The following PTPRD variants were observed in gnomAD, a reference collection of about 807,000 sequenced individuals.
PTPRD encodes the protein receptor-type tyrosine-protein phosphatase delta.
Under a neutral mutation model 214.5 loss-of-function variants are expected in PTPRD, and 34 were observed. The ratio of observed to expected loss-of-function variants is 0.16; its 90% CI spans 0.12 to 0.21. The LOEUF is 0.21. Ranked by LOEUF, PTPRD falls within the 10% of genes least tolerant of loss-of-function variation. The pLI is 1.00. For missense variants in PTPRD, 2,545 were observed against 2,398.7 expected (o/e 1.06, Z -1.27); for synonymous variants, 1,128 against 845.7 (o/e 1.33, Z -5.79).
At chr9:8,953,090 T>G (rs912886623) in intron 11 of PTPRD, among the ~76,000 whole-genome samples, 1 of 151,690 alleles carries the variant, frequency 6.6e-6, no homozygotes, top group Non-Finnish European at 1.5e-5. Context: ...TTAGATAAAA[T>G]ATATGCTTTT....
chr9:10,331,134 A>T (rs183239993), intron 3 of PTPRD, among the ~76,000 whole-genome samples: 6 of 151,934 alleles, frequency 3.9e-5, no homozygotes, highest in African/African-American at 1.4e-4. Context: ...ATTCCATAAG[A>T]TCTAAGCCCT....
At chr9:9,732,134 A>G (rs1798302696) in intron 7 of PTPRD, among the ~76,000 whole-genome samples, 1 of 152,120 alleles carries the variant, frequency 6.6e-6, no homozygotes, top group South Asian at 2.1e-4. Flanking sequence ...ATACGAGCAG[A>G]CACACTGATC....
At chr9:9,131,113 G>C (rs953706373) in intron 10 of PTPRD, among the ~76,000 whole-genome samples, 1 of 152,128 alleles carries the variant, frequency 6.6e-6, no homozygotes, top group South Asian at 2.1e-4. Flanking sequence ...TTGAAGTTAG[G>C]AGTAAAAAGT....
chr9:10,272,561 A>C (rs1281020215), intron 3 of PTPRD, among the ~76,000 whole-genome samples: 1 of 152,158 alleles, frequency 6.6e-6, no homozygotes, highest in African/African-American at 2.4e-5. Flanking sequence ...TCATTCCCTT[A>C]ATAGCTGATA....
At chr9:9,845,502 TG>T (rs1028517634) in intron 5 of PTPRD, among the ~76,000 whole-genome samples, 1 of 151,070 alleles carries the variant, frequency 6.6e-6, no homozygotes, top group Non-Finnish European at 1.5e-5. Flanking sequence ...GAGGGTGAGG[TG>T]GGGGGCATCA....
intron 44 of PTPRD, among the ~76,000 whole-genome samples, chr9:8,330,982 T>G (rs1840025895): frequency 6.6e-6 from 1 of 152,062 alleles, no homozygotes; most frequent in African/African-American, 2.4e-5. Flanking sequence ...TTATGGTGAA[T>G]GTCTGAACTA....
At chr9:9,751,506 C>G (rs2098519137) in intron 6 of PTPRD, among the ~76,000 whole-genome samples, 1 of 152,124 alleles carries the variant, frequency 6.6e-6, no homozygotes, top group Middle Eastern at 3.2e-3. Context: ...TCCTAACCAC[C>G]AGTACCTCAG....
At chr9:9,629,409 A>T (rs535808295) in intron 7 of PTPRD, among the ~76,000 whole-genome samples, 1 of 152,090 alleles carries the variant, frequency 6.6e-6, no homozygotes, top group Non-Finnish European at 1.5e-5. Context: ...TTCTTTTAAT[A>T]GCAAGTGTGT....
chr9:9,832,904 T>C (rs867660752), intron 5 of PTPRD, among the ~76,000 whole-genome samples: 29 of 149,578 alleles, frequency 1.9e-4, no homozygotes, highest in East Asian at 7.8e-4. Context: ...TTTTTTTTTT[T>C]CCCATATGAG....
intron 42 of PTPRD, 73 bp from the exon 43 acceptor site, chr9:8,339,120 T>C: frequency 7.4e-7 from 1 of 1,356,700 alleles, no homozygotes; most frequent in Non-Finnish European, 9.8e-7. Context: ...TATCTATCTA[T>C]CTAATCTATC....
At chr9:10,044,051 G>T (rs2097345529) in intron 3 of PTPRD, among the ~76,000 whole-genome samples, 1 of 151,728 alleles carries the variant, frequency 6.6e-6, no homozygotes, top group African/African-American at 2.4e-5. Flanking sequence ...ATGAGAGAGA[G>T]GAGGTCTGTC....
chr9:10,457,368 T>C (rs2098926179), intron 2 of PTPRD, among the ~76,000 whole-genome samples: 1 of 152,030 alleles, frequency 6.6e-6, no homozygotes, highest in Non-Finnish European at 1.5e-5. Flanking sequence ...TTTCCACAGA[T>C]TGTTTTTTCC....
chr9:9,508,743 T>A (rs1256017200), intron 8 of PTPRD, among the ~76,000 whole-genome samples: 3 of 151,630 alleles, frequency 2.0e-5, no homozygotes, highest in Non-Finnish European at 3.0e-5. Context: ...AGAACATTCA[T>A]CCTTCAGCAA....
In PTPRD at chr9:8,642,292, G is replaced by A. The variant is rs560851485; in HGVS notation, c.65-5448C>T. 1.8e-3 allele frequency among the ~76,000 whole-genome samples: 272 copies of A among 152,282 alleles called. 3 individuals carry two copies. The highest frequency in any genetic ancestry group is 6.2e-3 in the African/African-American group (259 of 41,552). Reference sequence around the variant, plus strand: ...ACATCAAGAAAATATGTGGCATGGGGAACAAAACTAACAGCATGTAACGAA... The same window carrying A: ...ACATCAAGAAAATATGTGGCATGGGAAACAAAACTAACAGCATGTAACGAA... On this transcript the variant is annotated intron_variant, in intron 12 of 45. Coordinates refer to ENST00000381196, the MANE Select transcript of PTPRD (RefSeq NM_002839.4).
intron 10 of PTPRD, among the ~76,000 whole-genome samples, chr9:9,123,210 C>T (rs917694113): frequency 6.6e-6 from 1 of 152,148 alleles, no homozygotes; most frequent in Non-Finnish European, 1.5e-5. Flanking sequence ...GCAGTCATGG[C>T]CTCATGCCAT....
rs546213276 is a variant in PTPRD at position 9,903,200 on chromosome 9, T to C, written c.-368+35307A>G. Among the ~76,000 whole-genome samples, 33 of 152,168 alleles carry C rather than the reference T, an allele frequency of 2.2e-4. 1 individual carries two copies. Among genetic ancestry groups the C allele is most frequent in the Non-Finnish European group, 4.1e-4 (28 of 68,012 alleles). ...TATCTTGCATAGCAGAAAGATTGCA[T>C]GCATATGAATGAATGCATTTGCTTC... is the stretch of plus-strand genomic sequence containing the variant. On this transcript the variant is annotated intron_variant, in intron 5 of 45. Coordinates refer to ENST00000381196, the MANE Select transcript of PTPRD (RefSeq NM_002839.4).
At chr9:8,512,540 C>G (rs181157806) in intron 21 of PTPRD, among the ~76,000 whole-genome samples, 1 of 152,086 alleles carries the variant, frequency 6.6e-6, no homozygotes, top group African/African-American at 2.4e-5. Flanking sequence ...GGAAACCTAA[C>G]AGACTTTGTC....
chr9:8,897,351 G>C (rs2098627906), intron 11 of PTPRD, among the ~76,000 whole-genome samples: 1 of 152,168 alleles, frequency 6.6e-6, no homozygotes, highest in African/African-American at 2.4e-5. Context: ...AGAAGGTATG[G>C]ATTGAGCTGG....
Position 10,321,962 on chromosome 9 carries a change from A to G in PTPRD, c.-545+19001T>C, listed in dbSNP as rs143783988. On this transcript the variant is annotated intron_variant, in intron 3 of 45. Transcript: ENST00000381196. The stretch of plus-strand genomic sequence containing the variant: ...ATTTATTAGTTAGAGATGCATATTA[A>G]TGTAACTGAAATCTTAAATATAATG... Among the ~76,000 whole-genome samples the G allele has an allele frequency of 1.6e-3, 242 of 152,198 alleles. 4 individuals are homozygous for G. The highest frequency in any genetic ancestry group is 5.4e-3 in the African/African-American group (226 of 41,568).
Sources: allele counts gnomAD v4.1 joint callset (sites outside exome capture counted in the v4.1 genomes callset), GRCh38; gene constraint gnomAD v4.1.1; transcripts MANE v1.5; gene names NCBI Gene and HGNC (gene_info 2026-07-23, HGNC 2026-07-21).